Variants in PTPRD observed in about 807,000 individuals in gnomAD.
PTPRD encodes the protein receptor-type tyrosine-protein phosphatase delta.
In PTPRD, 34 loss-of-function variants were observed where a neutral mutation model predicts 214.5. The ratio of observed to expected loss-of-function variants is 0.16; its 90% CI spans 0.12 to 0.21. PTPRD has a LOEUF of 0.21. Ranked by LOEUF, PTPRD falls within the 10% of genes least tolerant of loss-of-function variation. The probability of loss-of-function intolerance (pLI) is 1.00; values close to 1 mark genes in which losing one functional copy is unlikely to be tolerated. For missense variants in PTPRD, 2,545 were observed against 2,398.7 expected (o/e 1.06, Z -1.27); for synonymous variants, 1,128 against 845.7 (o/e 1.33, Z -5.79).
At chr9:9,087,163 G>C (rs993723327) in intron 10 of PTPRD, among the ~76,000 whole-genome samples, 1 of 151,772 alleles carries the variant, frequency 6.6e-6, no homozygotes, top group South Asian at 2.1e-4. Flanking sequence ...CATTACTTAA[G>C]GTAAACTTAG....
chr9:10,548,866 G>A (rs2060712729), intron 2 of PTPRD, among the ~76,000 whole-genome samples: 1 of 152,128 alleles, frequency 6.6e-6, no homozygotes, highest in East Asian at 1.9e-4. Flanking sequence ...CTGGAGAAAT[G>A]GAAATGATCT....
chr9:9,087,878 C>CTTTTTTTTTTTTT (rs59824704), intron 10 of PTPRD, among the ~76,000 whole-genome samples: 1 of 68,642 alleles, frequency 1.5e-5, no homozygotes, highest in African/African-American at 5.8e-5. Context: ...GCCCTAAACT[C>CTTTTTTTTTTTTT]TTTTTTTTTT....
intron 3 of PTPRD, among the ~76,000 whole-genome samples, chr9:10,186,502 C>T (rs1335333317): frequency 2.0e-5 from 3 of 152,086 alleles, no homozygotes; most frequent in Admixed American, 6.5e-5. Flanking sequence ...GCTATTATAA[C>T]ACAATGCATT....
At chr9:9,994,619 A>G (rs1182296981) in intron 4 of PTPRD, among the ~76,000 whole-genome samples, 1 of 152,218 alleles carries the variant, frequency 6.6e-6, no homozygotes, top group Non-Finnish European at 1.5e-5. Flanking sequence ...AAAAACAAAC[A>G]GAAAATTACA....
At chr9:10,274,441 C>A (rs575412643) in intron 3 of PTPRD, among the ~76,000 whole-genome samples, 1 of 152,202 alleles carries the variant, frequency 6.6e-6, no homozygotes, top group East Asian at 1.9e-4. Flanking sequence ...TTTCCTGCAA[C>A]CATTAGTGCA....
At chr9:9,666,889 T>G (rs2096733365) in intron 7 of PTPRD, among the ~76,000 whole-genome samples, 1 of 152,088 alleles carries the variant, frequency 6.6e-6, no homozygotes, top group African/African-American at 2.4e-5. Flanking sequence ...CCTCGCTTTT[T>G]ATGGATACAT....
intron 5 of PTPRD, among the ~76,000 whole-genome samples, chr9:9,875,392 A>T (rs1403113741): frequency 6.6e-6 from 1 of 152,130 alleles, no homozygotes; most frequent in Non-Finnish European, 1.5e-5. Context: ...ATAAAAAATA[A>T]ACTTTAAAAA....
rs77651333 is a variant in PTPRD at position 10,540,854 on chromosome 9, T to C, written c.-600+71544A>G. Among the ~76,000 whole-genome samples the C allele has an allele frequency of 4.6e-5, 7 of 152,264 alleles. No individual in the cohort carries two copies. In the East Asian group the frequency reaches 1.2e-3, roughly 25 times the overall value. On this transcript the variant is annotated intron_variant, in intron 2 of 45. Coordinates refer to ENST00000381196, the MANE Select transcript of PTPRD (RefSeq NM_002839.4). ...CAAATCATAAAACTACTCTGCAGTT[T>C]GGCACAATTTAGAATGACTGGCAGG...
intron 10 of PTPRD, among the ~76,000 whole-genome samples, chr9:9,163,127 C>T (rs868118709): frequency 6.6e-6 from 1 of 152,196 alleles, no homozygotes; most frequent in East Asian, 1.9e-4. Context: ...CACTCTAGGA[C>T]TTATTAAATG....
chr9:9,470,068 T>G (rs371224324), intron 8 of PTPRD, among the ~76,000 whole-genome samples: 4 of 152,162 alleles, frequency 2.6e-5, no homozygotes, highest in African/African-American at 9.7e-5. Context: ...TTATCTCAAG[T>G]GCATACCTTT....
intron 2 of PTPRD, among the ~76,000 whole-genome samples, chr9:10,555,237 C>T (rs73642013): frequency 0.082 from 12,475 of 152,116 alleles, 593 homozygotes; most frequent in Middle Eastern, 0.13. Flanking sequence ...TAAAACCAAG[C>T]CTTATATATT....
chr9:10,386,282 C>T (rs1342800102), intron 2 of PTPRD, among the ~76,000 whole-genome samples: 1 of 151,856 alleles, frequency 6.6e-6, no homozygotes, highest in Non-Finnish European at 1.5e-5. Flanking sequence ...TCTGTAGAAA[C>T]AGAAATTTCC....
intron 37 of PTPRD, among the ~76,000 whole-genome samples, chr9:8,386,215 G>T (rs561160381): frequency 2.0e-5 from 3 of 152,262 alleles, no homozygotes; most frequent in Admixed American, 6.5e-5. Flanking sequence ...GGCTAGAGTT[G>T]GTATTTGAAC....
rs532522312 is a variant in PTPRD, at chr9:9,674,080, A to G, written c.-287+60453T>C. ...ACAAGAAAGATAGTCTGAACTACAA[A>G]TAAGCAAAATTCATAAATATGTAGA... is the stretch of plus-strand genomic sequence containing the variant. On this transcript the variant is annotated intron_variant, in intron 7 of 45. Transcript: ENST00000381196. Among the ~76,000 whole-genome samples, 400 of 151,958 alleles carry G rather than the reference A, an allele frequency of 2.6e-3. 2 individuals carry two copies. Among genetic ancestry groups the G allele is most frequent in the African/African-American group, 9.0e-3 (376 of 41,548 alleles).
At position 8,957,569 on chromosome 9, in the gene PTPRD, C is replaced by G. The variant is rs1438570934; in HGVS notation, c.-104+61128G>C. Among the ~76,000 whole-genome samples the G allele has an allele frequency of 4.6e-5, 7 of 151,954 alleles. No homozygotes were observed. The South Asian group carries it at 1.4e-3, about 31-fold the overall frequency. ...TGTCTTTAGTATTTATTTTGCGGCACCATACAATTTGCATTTATTGCACGA... is the reference window on the plus strand; with the variant it reads ...TGTCTTTAGTATTTATTTTGCGGCAGCATACAATTTGCATTTATTGCACGA... On this transcript the variant is annotated intron_variant, in intron 11 of 45. Coordinates refer to ENST00000381196, the MANE Select transcript of PTPRD (RefSeq NM_002839.4).
chr9:10,494,625 CTT>C (rs530008757), intron 2 of PTPRD, among the ~76,000 whole-genome samples: 3 of 135,690 alleles, frequency 2.2e-5, no homozygotes, highest in Non-Finnish European at 3.2e-5. Flanking sequence ...CAGTCTGGGG[CTT>C]TTTTTTTTTC....
At chr9:10,224,663 C>A (rs1284354965) in intron 3 of PTPRD, among the ~76,000 whole-genome samples, 2 of 151,828 alleles carry the variant, frequency 1.3e-5, no homozygotes, top group Non-Finnish European at 2.9e-5. Flanking sequence ...GCCATTGACC[C>A]TTGAACATCA....
At chr9:8,562,572 G>C (rs1253462879) in intron 14 of PTPRD, among the ~76,000 whole-genome samples, 1 of 152,026 alleles carries the variant, frequency 6.6e-6, no homozygotes, top group Non-Finnish European at 1.5e-5. Flanking sequence ...AAGTAGGTGG[G>C]ACTACAGACA....
intron 11 of PTPRD, among the ~76,000 whole-genome samples, chr9:8,854,347 A>C: frequency 6.6e-6 from 1 of 152,232 alleles, no homozygotes; most frequent in East Asian, 1.9e-4. Flanking sequence ...AAGGAAGGAT[A>C]GTTTTAAAAT....
Sources: gnomAD v4.1 joint callset for allele counts (sites outside exome capture counted in the v4.1 genomes callset) on GRCh38, gnomAD v4.1.1 for gene constraint, MANE v1.5 for transcripts, NCBI Gene and HGNC (gene_info 2026-07-23, HGNC 2026-07-21) for gene names.